The following NRG3 variants were observed in gnomAD, a reference collection of about 807,000 sequenced individuals.
NRG3 encodes the protein pro-neuregulin-3, membrane-bound isoform.
A neutral mutation model predicts 66.9 loss-of-function variants in NRG3; 31 were observed. That is an observed-to-expected ratio of 0.46 (90% CI 0.35 to 0.63). The LOEUF (loss-of-function observed/expected upper bound fraction) is 0.63, where lower values mean the gene tolerates loss of function less well. NRG3 is among the 20% of genes least tolerant of loss of function. The pLI, the probability that NRG3 is intolerant of heterozygous loss-of-function variation, is 0.00. For synonymous variants in NRG3, 393 were observed against 359.4 expected (o/e 1.09, Z -1.06); for missense variants, 910 against 878.9 (o/e 1.04, Z -0.45).
intron 2 of NRG3, among the ~76,000 whole-genome samples, chr10:82,397,333 T>C (rs1441312987): frequency 6.6e-6 from 1 of 152,178 alleles, no homozygotes; most frequent in East Asian, 1.9e-4. Context: ...TCCCAAATTA[T>C]GTGGATAATC....
intron 1 of NRG3, among the ~76,000 whole-genome samples, chr10:82,052,950 G>A (rs1217778170): frequency 6.6e-6 from 1 of 151,944 alleles, no homozygotes; most frequent in Non-Finnish European, 1.5e-5. Flanking sequence ...CAAGCTAAGA[G>A]CAAGTAATTT....
chr10:82,871,406 A>G (rs1841328702), intron 4 of NRG3, among the ~76,000 whole-genome samples: 1 of 151,934 alleles, frequency 6.6e-6, no homozygotes, highest in Admixed American at 6.6e-5. Flanking sequence ...TTCTGGATCT[A>G]CTGCCTCTCC....
At chr10:82,121,620 T>C (rs1361854825) in intron 1 of NRG3, among the ~76,000 whole-genome samples, 1 of 151,972 alleles carries the variant, frequency 6.6e-6, no homozygotes, top group African/African-American at 2.4e-5. Context: ...TATTGGGGCT[T>C]TGTGCTGACT....
intron 1 of NRG3, among the ~76,000 whole-genome samples, chr10:82,067,348 G>C (rs1440453558): frequency 6.6e-6 from 1 of 152,106 alleles, no homozygotes; most frequent in East Asian, 1.9e-4. Context: ...CCCATTTGCT[G>C]TTTGTTGTTG....
At chr10:82,023,318 T>C (rs952876815) in intron 1 of NRG3, among the ~76,000 whole-genome samples, 4 of 152,070 alleles carry the variant, frequency 2.6e-5, no homozygotes, top group African/African-American at 4.8e-5. Flanking sequence ...ATAATTTCAT[T>C]TCTTTTTTCA....
rs186391922 is a variant in NRG3 at position 82,601,708 on chromosome 10, G to A, written c.954-136869G>A. On this transcript the variant is annotated intron_variant, in intron 2 of 8. Transcript: ENST00000372141. ...CCCACTGTCTGCTACTGTAAGAAAT[G>A]CATTTTTTAAAGTATGGTAGATAGA... Among the ~76,000 whole-genome samples, 923 of 151,118 alleles carry A rather than the reference G, an allele frequency of 6.1e-3. 5 individuals are homozygous for A. Among genetic ancestry groups the A allele is most frequent in the Non-Finnish European group, 9.5e-3 (642 of 67,848 alleles).
At chr10:81,993,120 C>T (rs1439699350) in intron 1 of NRG3, among the ~76,000 whole-genome samples, 1 of 152,116 alleles carries the variant, frequency 6.6e-6, no homozygotes, top group African/African-American at 2.4e-5. Context: ...TGATTGATAT[C>T]ACCCATCAGA....
chr10:82,900,494 A>G (rs1844112120), intron 4 of NRG3, among the ~76,000 whole-genome samples: 1 of 152,220 alleles, frequency 6.6e-6, no homozygotes, highest in Admixed American at 6.5e-5. Context: ...GCCTTTAAAA[A>G]TGAACATGGA....
chr10:82,823,430 C>T (rs1179934605), intron 3 of NRG3, among the ~76,000 whole-genome samples: 1 of 152,206 alleles, frequency 6.6e-6, no homozygotes, highest in Non-Finnish European at 1.5e-5. Context: ...TCATTTCACA[C>T]ATTTATCAAG....
At chr10:82,177,600 GT>G (rs2073127196) in intron 1 of NRG3, among the ~76,000 whole-genome samples, 1 of 152,034 alleles carries the variant, frequency 6.6e-6, no homozygotes, top group Admixed American at 6.6e-5. Flanking sequence ...TTTTGACATG[GT>G]TTTTCTTTGT....
intron 1 of NRG3, among the ~76,000 whole-genome samples, chr10:82,268,686 G>A (rs1321611997): frequency 6.6e-6 from 1 of 151,984 alleles, no homozygotes; most frequent in Non-Finnish European, 1.5e-5. Context: ...AAAGCTGAGT[G>A]GGTTTAGTTA....
intron 1 of NRG3, among the ~76,000 whole-genome samples, chr10:82,229,673 T>G (rs796366153): frequency 6.6e-6 from 1 of 152,186 alleles, no homozygotes; most frequent in South Asian, 2.1e-4. Flanking sequence ...GAAAAGCCCC[T>G]TATAAAACCA....
intron 1 of NRG3, among the ~76,000 whole-genome samples, chr10:81,891,570 G>A (rs868071687): frequency 1.3e-5 from 2 of 152,204 alleles, no homozygotes; most frequent in Non-Finnish European, 2.9e-5. Flanking sequence ...AGAGGCTGGA[G>A]GGTCTTGTCT....
At chr10:82,630,218 C>T (rs1024354998) in intron 2 of NRG3, among the ~76,000 whole-genome samples, 7 of 151,762 alleles carry the variant, frequency 4.6e-5, no homozygotes, top group East Asian at 3.9e-4. Context: ...AAATGGGAGG[C>T]GCCAAAGAGT....
rs1313883118 is a variant in NRG3, at chr10:82,966,924, G to GT, written c.1285-6855dup. Among the ~76,000 whole-genome samples the GT allele has an allele frequency of 2.4e-3, 364 of 150,390 alleles. 3 individuals carry two copies. The highest frequency in any genetic ancestry group is 7.8e-3 in the African/African-American group (321 of 41,126). On this transcript the variant is annotated intron_variant, in intron 6 of 8. Coordinates refer to ENST00000372141, the MANE Select transcript of NRG3 (RefSeq NM_001010848.4). Reference sequence around the variant, plus strand: ...TATCAATTCACTGTAAGTTTTCAGGGTTTTTTTTTGTTGTTGAGCACTACA... The same window carrying GT: ...TATCAATTCACTGTAAGTTTTCAGGGTTTTTTTTTTGTTGTTGAGCACTACA...
At chr10:82,451,378 G>A (rs2091011110) in intron 2 of NRG3, among the ~76,000 whole-genome samples, 1 of 152,082 alleles carries the variant, frequency 6.6e-6, no homozygotes, top group Admixed American at 6.6e-5. Context: ...CAGTACAATT[G>A]ATTTGGCTGT....
intron 1 of NRG3, among the ~76,000 whole-genome samples, chr10:82,020,648 G>T (rs2062017887): frequency 1.3e-5 from 2 of 152,114 alleles, no homozygotes; most frequent in Non-Finnish European, 2.9e-5. Flanking sequence ...CCTCAAAGAA[G>T]TTAGCTGACT....
intron 1 of NRG3, among the ~76,000 whole-genome samples, chr10:82,011,784 C>A (rs1440836616): frequency 2.0e-5 from 3 of 152,198 alleles, no homozygotes; most frequent in Middle Eastern, 3.2e-3. Context: ...GTCTCACATC[C>A]AAGTCATGCT....
intron 1 of NRG3, among the ~76,000 whole-genome samples, chr10:82,190,418 A>G (rs551100003): frequency 6.6e-5 from 10 of 152,326 alleles, no homozygotes; most frequent in African/African-American, 2.2e-4. Context: ...TAATTATTTT[A>G]TAAAATGTAT....
Sources: gnomAD v4.1 joint callset for allele counts (sites outside exome capture counted in the v4.1 genomes callset) on GRCh38, gnomAD v4.1.1 for gene constraint, MANE v1.5 for transcripts, NCBI Gene and HGNC (gene_info 2026-07-23, HGNC 2026-07-21) for gene names.